SHLD1: variants seen among roughly 807,000 people sequenced by gnomAD.
The protein encoded by SHLD1 is RINN1-REV7-interacting novel NHEJ regulator 3.
In SHLD1, 3 loss-of-function variants were observed where a neutral mutation model predicts 5.5. That is an observed-to-expected ratio of 0.54 (90% confidence interval 0.25 to 1.40). The LOEUF is 1.40. SHLD1 is among the 40% of genes most tolerant of loss of function. The probability of loss-of-function intolerance (pLI) is 0.15; values close to 1 mark genes in which losing one functional copy is unlikely to be tolerated. For missense variants in SHLD1, 210 were observed against 244.4 expected, an observed-to-expected ratio of 0.86 and a Z score of 0.94; for synonymous variants, 92 against 94.3, an observed-to-expected ratio of 0.98 and a Z score of 0.14.
chr20:5,851,531 C>T (rs1384484400), intron 2 of SHLD1, among the ~76,000 whole-genome samples: 6 of 150,510 alleles, frequency 4.0e-5, no homozygotes, highest in East Asian at 1.9e-4. Flanking sequence ...CTACACCAGC[C>T]GTTGTCCAAT....
At chr20:5,759,743 G>A (rs1984351941) in intron 1 of SHLD1, among the ~76,000 whole-genome samples, 1 of 151,906 alleles carries the variant, frequency 6.6e-6, no homozygotes, top group Non-Finnish European at 1.5e-5. Context: ...GTTTCACCAT[G>A]TTACCCAGGC....
chr20:5,756,300 A>T (rs62203868), intron 1 of SHLD1, among the ~76,000 whole-genome samples: 42 of 151,912 alleles, frequency 2.8e-4, no homozygotes, highest in Admixed American at 9.9e-4. Context: ...AAAAAAAAAA[A>T]TTTTTAAGCA....
chr20:5,789,121 G>A (rs2087102397), intron 2 of SHLD1, among the ~76,000 whole-genome samples: 1 of 150,192 alleles, frequency 6.7e-6, no homozygotes, highest in Admixed American at 6.6e-5. Context: ...GAGAGAGTGA[G>A]ACTGTCTCAA....
chr20:5,817,208 A>G (rs1026928113), intron 2 of SHLD1, among the ~76,000 whole-genome samples: 1 of 152,142 alleles, frequency 6.6e-6, no homozygotes. Context: ...ATTATAGGTA[A>G]TATTTTCCTG....
chr20:5,851,192 T>C (rs1478652216), intron 2 of SHLD1, among the ~76,000 whole-genome samples: 1 of 152,136 alleles, frequency 6.6e-6, no homozygotes, highest in Non-Finnish European at 1.5e-5. Flanking sequence ...ACCACAACTA[T>C]AAAGAATGTC....
rs561666031 is a variant in SHLD1 at position 5,793,313 on chromosome 20, A to C, written c.178+20270A>C. ...TATTTTAGTGTGGATAAATATGTGC[A>C]TGTAAATTTATGTATTTTAGTGCAT... On this transcript the variant is annotated intron_variant, in intron 2 of 2. Transcript: ENST00000303142. Among the ~76,000 whole-genome samples the C allele has an allele frequency of 3.9e-5, 6 of 152,234 alleles. No individual in the cohort carries two copies. In the East Asian group the frequency reaches 5.8e-4, roughly 15 times the overall value.
At chr20:5,834,736 T>G (rs2122450758) in intron 2 of SHLD1, among the ~76,000 whole-genome samples, 1 of 152,318 alleles carries the variant, frequency 6.6e-6, no homozygotes, top group African/African-American at 2.4e-5. Flanking sequence ...TACTGTAGAT[T>G]ATGTGGCTTA....
intron 1 of SHLD1, among the ~76,000 whole-genome samples, chr20:5,764,328 C>A (rs1984702841): frequency 6.7e-6 from 1 of 149,644 alleles, no homozygotes; most frequent in Non-Finnish European, 1.5e-5. Context: ...AACCCATTCT[C>A]TTTAACTCCA....
At chr20:5,761,611 C>CTTT (rs5840103) in intron 1 of SHLD1, among the ~76,000 whole-genome samples, 1 of 139,560 alleles carries the variant, frequency 7.2e-6, no homozygotes, top group African/African-American at 2.7e-5. Context: ...GTCTTAATTT[C>CTTT]TTTTTTTTTT....
At chr20:5,839,529 TAG>T (rs1948333951) in intron 2 of SHLD1, among the ~76,000 whole-genome samples, 1 of 138,838 alleles carries the variant, frequency 7.2e-6, no homozygotes, top group African/African-American at 2.7e-5. Flanking sequence ...AGATAGATGA[TAG>T]ATAGACAGAT....
Position 5,863,812 on chromosome 20 carries a change from A to G in SHLD1, c.*349A>G, listed in dbSNP as rs2088195804. The G allele has an allele frequency of 5.0e-6, 1 of 198,128 alleles. No homozygotes were observed. Among genetic ancestry groups the G allele is most frequent in the Admixed American group, 5.7e-5 (1 of 17,518 alleles). The allele number at this position is 198,128 out of a possible 1,614,324, so 12.3% of individuals were successfully genotyped here. A position where few individuals can be genotyped will look rare whatever the true frequency, so the allele number is the denominator to read the frequency against. Reference sequence around the variant, plus strand: ...GATCGGCCTGAGGCTGGGACATTACATGAAATCACACCCTTGCTGGGCTTA... The same window carrying G: ...GATCGGCCTGAGGCTGGGACATTACGTGAAATCACACCCTTGCTGGGCTTA... On this transcript the variant is annotated 3_prime_UTR_variant, in exon 3 of 3. Transcript: ENST00000303142.
chr20:5,858,933 T>C (rs4815867), intron 2 of SHLD1, among the ~76,000 whole-genome samples: 36,281 of 152,160 alleles, frequency 0.24, 4,769 homozygotes, highest in Non-Finnish European at 0.3. Flanking sequence ...TATCAAGCCC[T>C]GCCCTCCTCC....
intron 2 of SHLD1, among the ~76,000 whole-genome samples, chr20:5,778,283 GTT>G (rs377277543): frequency 0.03 from 3,928 of 129,908 alleles, 166 homozygotes; most frequent in African/African-American, 0.1. Context: ...TGCCTGGCTA[GTT>G]TTTTTTTTTT....
chr20:5,765,081 AT>A (rs936163848), intron 1 of SHLD1: 2 of 151,618 alleles, frequency 1.3e-5, no homozygotes, highest in East Asian at 1.9e-4. Flanking sequence ...TATTATTTTA[AT>A]TTTTTTTACA....
At chr20:5,762,069 T>C (rs564417741) in intron 1 of SHLD1, among the ~76,000 whole-genome samples, 1 of 151,226 alleles carries the variant, frequency 6.6e-6, no homozygotes, top group East Asian at 2.0e-4. Flanking sequence ...CTGACCAACA[T>C]GGTGAAACCT....
intron 2 of SHLD1, among the ~76,000 whole-genome samples, chr20:5,846,141 C>CT (rs1443401691): frequency 2.0e-5 from 3 of 152,194 alleles, no homozygotes; most frequent in Non-Finnish European, 4.4e-5. Flanking sequence ...GAAACTGGCT[C>CT]TGTTTTGATA....
At chr20:5,764,020 G>C (rs533483919) in intron 1 of SHLD1, among the ~76,000 whole-genome samples, 27 of 146,600 alleles carry the variant, frequency 1.8e-4, no homozygotes, top group Admixed American at 4.8e-4. Flanking sequence ...CCAGCTACTC[G>C]GGAGACTGAG....
At chr20:5,830,518 G>C (rs945532834) in intron 2 of SHLD1, among the ~76,000 whole-genome samples, 6 of 152,020 alleles carry the variant, frequency 3.9e-5, no homozygotes, top group African/African-American at 1.2e-4. Flanking sequence ...GACCAACCCT[G>C]TCTCTACTAA....
chr20:5,764,158 T>TATATATATA (rs1568490077), intron 1 of SHLD1, among the ~76,000 whole-genome samples: 2 of 72,048 alleles, frequency 2.8e-5, no homozygotes, highest in African/African-American at 1.0e-4. Context: ...ATATTTATAT[T>TATATATATA]TATATATATA....
Sources: allele counts gnomAD v4.1 joint callset (sites outside exome capture counted in the v4.1 genomes callset), GRCh38; gene constraint gnomAD v4.1.1; transcripts MANE v1.5; gene names NCBI Gene and HGNC (gene_info 2026-07-23, HGNC 2026-07-21).